Variants in SIPA1L3 observed in about 807,000 individuals in gnomAD.
SIPA1L3 encodes signal induced proliferation associated 1 like 3.
SIPA1L3 carries 59 observed loss-of-function variants against 150.1 expected under a neutral mutation model. The observed-to-expected ratio is 0.39, with a 90% CI of 0.32 to 0.49. The LOEUF (loss-of-function observed/expected upper bound fraction) is 0.49. Among genes scored for constraint, SIPA1L3 ranks in the 20% least tolerant of loss-of-function variants. The pLI is 0.86. For missense variants in SIPA1L3, 2,211 were observed against 2,489.5 expected, an observed-to-expected ratio of 0.89 and a Z score of 2.38; for synonymous variants, 1,070 against 1,077.6, an observed-to-expected ratio of 0.99 and a Z score of 0.14.
chr19:38,004,573 G>A (rs532169855), intron 1 of SIPA1L3, among the ~76,000 whole-genome samples: 4 of 152,264 alleles, frequency 2.6e-5, no homozygotes, highest in South Asian at 4.2e-4. Context: ...GCCAGGACCC[G>A]CTCAGGCTTG....
intron 1 of SIPA1L3, among the ~76,000 whole-genome samples, chr19:37,950,056 G>A (rs1358502294): frequency 7.5e-6 from 1 of 132,462 alleles, no homozygotes. Context: ...CAACCTGGGC[G>A]ATGGAGCCAG....
At position 38,207,141 on chromosome 19, in the gene SIPA1L3, T is replaced by G. The variant is rs1290500434; in HGVS notation, c.*901T>G. On this transcript the variant is annotated 3_prime_UTR_variant, in exon 22 of 22. Coordinates refer to ENST00000222345, the MANE Select transcript of SIPA1L3 (RefSeq NM_015073.3). Reference sequence around the variant, plus strand: ...CCTGACCAGCAGCCTCGGCCTCTTCTGGGTTCCAGGAGGGGCTCCCGAAGC... The same window carrying G: ...CCTGACCAGCAGCCTCGGCCTCTTCGGGGTTCCAGGAGGGGCTCCCGAAGC... 1 of 152,034 alleles carries G rather than the reference T, an allele frequency of 6.6e-6. No homozygotes were observed. The highest frequency in any genetic ancestry group is 1.5e-5 in the Non-Finnish European group (1 of 68,054). The allele number at this position is 152,034 out of a possible 1,614,324, so 9.4% of individuals were successfully genotyped here.
At chr19:38,065,852 ATTTAT>A (rs1325988085) in intron 2 of SIPA1L3, among the ~76,000 whole-genome samples, 1 of 148,364 alleles carries the variant, frequency 6.7e-6, no homozygotes, top group Non-Finnish European at 1.5e-5. Flanking sequence ...TTATTTATTT[ATTTAT>A]TTATTTTTGA....
intron 1 of SIPA1L3, among the ~76,000 whole-genome samples, chr19:37,959,436 T>A (rs2046838156): frequency 6.6e-6 from 1 of 152,220 alleles, no homozygotes; most frequent in African/African-American, 2.4e-5. Flanking sequence ...CACATCTTGC[T>A]TCATCCCATT....
chr19:38,092,706 G>A (rs988160926), intron 4 of SIPA1L3, among the ~76,000 whole-genome samples: 2 of 152,192 alleles, frequency 1.3e-5, no homozygotes, highest in African/African-American at 4.8e-5. Context: ...TAGCAAACAA[G>A]GCAGCAAAGA....
At chr19:38,088,884 A>G (rs1407783477) in intron 4 of SIPA1L3, 33 bp downstream of exon 4, 39 of 1,606,018 alleles carry the variant, frequency 2.4e-5, no homozygotes, top group Non-Finnish European at 3.1e-5. Flanking sequence ...TTATTAAAGA[A>G]ATCATAGCCA....
At chr19:38,092,205 T>C (rs1255027838) in intron 4 of SIPA1L3, among the ~76,000 whole-genome samples, 1 of 152,076 alleles carries the variant, frequency 6.6e-6, no homozygotes. Context: ...ACCATAGTGA[T>C]ACCCGTGTCT....
intron 1 of SIPA1L3, among the ~76,000 whole-genome samples, chr19:38,016,139 A>T (rs1968226912): frequency 6.6e-6 from 1 of 152,236 alleles, no homozygotes; most frequent in African/African-American, 2.4e-5. Context: ...GCAACAGAGC[A>T]TTAGACCAAG....
intron 2 of SIPA1L3, among the ~76,000 whole-genome samples, chr19:38,054,323 G>C (rs1368781636): frequency 6.7e-6 from 1 of 148,516 alleles, no homozygotes; most frequent in Non-Finnish European, 1.5e-5. Flanking sequence ...AAGTGTCTTC[G>C]AGGACAGGAG....
At chr19:37,923,486 T>C (rs1464519495) in intron 1 of SIPA1L3, among the ~76,000 whole-genome samples, 1 of 152,276 alleles carries the variant, frequency 6.6e-6, no homozygotes, top group East Asian at 1.9e-4. Context: ...AAAAATATGA[T>C]ATAAAAGATT....
Position 38,169,968 on chromosome 19 carries a change from G to A in SIPA1L3, c.4208+5062G>A, listed in dbSNP as rs559187266. Among the ~76,000 whole-genome samples the A allele has an allele frequency of 2.0e-5, 3 of 151,360 alleles. No individual in the cohort carries two copies. In the East Asian group the frequency reaches 5.9e-4, roughly 30 times the overall value. On this transcript the variant is annotated intron_variant, in intron 15 of 21. Coordinates refer to ENST00000222345, the MANE Select transcript of SIPA1L3 (RefSeq NM_015073.3). ...GGGCCAGGGTGAGATGAGGGGCCCAGGTAGAGGGGCCAGGGTAAGATGAGG... is the reference window on the plus strand; with the variant it reads ...GGGCCAGGGTGAGATGAGGGGCCCAAGTAGAGGGGCCAGGGTAAGATGAGG...
chr19:38,171,559 A>C (rs954459761), intron 15 of SIPA1L3, among the ~76,000 whole-genome samples: 2 of 151,202 alleles, frequency 1.3e-5, no homozygotes, highest in African/African-American at 4.9e-5. Flanking sequence ...CGCCCGGCTA[A>C]TTTTTGTATT....
chr19:37,936,944 C>A (rs1459389230), intron 1 of SIPA1L3, among the ~76,000 whole-genome samples: 2 of 152,214 alleles, frequency 1.3e-5, no homozygotes, highest in East Asian at 1.9e-4. Context: ...TTCCTCACCT[C>A]TTTCTAAATG....
intron 2 of SIPA1L3, among the ~76,000 whole-genome samples, chr19:38,038,144 G>GC (rs1473411835): frequency 1.3e-5 from 2 of 152,170 alleles, no homozygotes; most frequent in African/African-American, 2.4e-5. Context: ...AGAGGATGGG[G>GC]CCAGGGTAAG....
intron 19 of SIPA1L3, chr19:38,200,515 C>T (rs1251202967): frequency 6.6e-6 from 1 of 151,332 alleles, no homozygotes; most frequent in Non-Finnish European, 1.5e-5. Context: ...GTGGGCAACA[C>T]AGCAAGACCC....
chr19:37,992,975 G>A (rs917585295), intron 1 of SIPA1L3, among the ~76,000 whole-genome samples: 4 of 152,188 alleles, frequency 2.6e-5, no homozygotes, highest in Admixed American at 6.5e-5. Flanking sequence ...TCCCAGCTGC[G>A]TGACCCCGGC....
intron 12 of SIPA1L3, among the ~76,000 whole-genome samples, chr19:38,145,806 A>G (rs770301949): frequency 2.7e-5 from 4 of 150,856 alleles, no homozygotes; most frequent in Admixed American, 6.6e-5. Flanking sequence ...AGCCACACCC[A>G]TCTCTTCCCC....
chr19:38,182,645 C>G lies in SIPA1L3; in HGVS notation c.4335C>G (p.Phe1445Leu), dbSNP rs767442069. ...FQLSASVPKS[F>L]FSKQPVRNKH... is the part of the protein sequence containing the mutation. ...TCTCCGCCTCCGTCCCCAAGTCCTT[C>G]TTCTCCAAGCAGCCTGTACGCAATA... is the stretch of plus-strand genomic sequence containing the variant. The change falls in exon 16 of 22, where the codon TTC (phenylalanine) becomes TTG (leucine). Residue 1445 changes from phenylalanine to leucine, a missense_variant. Physicochemically the swap from Phe to Leu is conservative, Grantham distance 22. This residue lies in a region of SIPA1L3 where 806 missense variants were observed against 870.1 expected (regional missense o/e 0.93). Coordinates refer to ENST00000222345, the MANE Select transcript of SIPA1L3 (RefSeq NM_015073.3). 6.2e-7 allele frequency: 1 copy of G among 1,614,206 alleles called. No homozygotes were observed. The highest frequency in any genetic ancestry group is 1.1e-5 in the South Asian group (1 of 91,088).
chr19:38,115,985 G>T (rs1970873160), intron 8 of SIPA1L3, among the ~76,000 whole-genome samples: 1 of 152,100 alleles, frequency 6.6e-6, no homozygotes, highest in African/African-American at 2.4e-5. Context: ...TAGAGTTGGG[G>T]GTAAGGGGAG....
Sources: allele counts gnomAD v4.1 joint callset (sites outside exome capture counted in the v4.1 genomes callset), GRCh38; gene constraint gnomAD v4.1.1; regional missense constraint gnomAD v4.1.1; transcripts MANE v1.5; gene names NCBI Gene and HGNC (gene_info 2026-07-23, HGNC 2026-07-21).